AGAP1: variants seen among roughly 807,000 people sequenced by gnomAD.
AGAP1 encodes arf-GAP with GTPase, ANK repeat and PH domain-containing protein 1.
A neutral mutation model predicts 105.3 loss-of-function variants in AGAP1; 29 were observed. The observed-to-expected ratio is 0.28, with a 90% CI of 0.21 to 0.38. AGAP1 has a LOEUF of 0.38. AGAP1 is among the 10% of genes least tolerant of loss of function. The pLI is 1.00. For synonymous variants in AGAP1, 509 were observed against 485.9 expected, an observed-to-expected ratio of 1.05 and a Z score of -0.63; for missense variants, 998 against 1,165.1, an observed-to-expected ratio of 0.86 and a Z score of 2.09.
Position 236,073,193 on chromosome 2 carries a change from C to T in AGAP1, c.2114+23912C>T, listed in dbSNP as rs2058550692. On this transcript the variant is annotated intron_variant, in intron 16 of 17. Coordinates refer to ENST00000304032, the MANE Select transcript of AGAP1 (RefSeq NM_001037131.3). This position sits in a 1 kb window ranked among gnomAD's most constrained non-coding sequence, Gnocchi z 5.4. Reference sequence around the variant, plus strand: ...GTATTTTTTAGTAGAGACGGGGTTTCTCCATATTGGCCAGGCTGGTCTCGA... The same window carrying T: ...GTATTTTTTAGTAGAGACGGGGTTTTTCCATATTGGCCAGGCTGGTCTCGA... Among the ~76,000 whole-genome samples, 2 of 151,860 alleles carry T rather than the reference C, an allele frequency of 1.3e-5. No individual in the cohort carries two copies. Among genetic ancestry groups the T allele is most frequent in the African/African-American group, 4.8e-5 (2 of 41,334 alleles).
intron 1 of AGAP1, among the ~76,000 whole-genome samples, chr2:235,682,188 T>A (rs969435113): frequency 6.6e-6 from 1 of 151,992 alleles, no homozygotes; most frequent in Admixed American, 6.6e-5. Flanking sequence ...TGAAACCGTA[T>A]CAGCACTGTT....
intron 13 of AGAP1, among the ~76,000 whole-genome samples, chr2:236,023,512 G>C (rs116138006): frequency 6.6e-6 from 1 of 152,164 alleles, no homozygotes; most frequent in Non-Finnish European, 1.5e-5. Context: ...GGTAAGCATC[G>C]GTGGTAATGT....
rs1297535595 is a variant in AGAP1 at position 235,599,503 on chromosome 2, C to T, written c.163+104654C>T. ...GAAATGACTGCAAAGCTATCTTACTCTTTATTCCATAGCCACAAAAATAAG... is the reference window on the plus strand; with the variant it reads ...GAAATGACTGCAAAGCTATCTTACTTTTTATTCCATAGCCACAAAAATAAG... On this transcript the variant is annotated intron_variant, in intron 1 of 17. Transcript: ENST00000304032. This position sits in a 1 kb window ranked among gnomAD's most constrained non-coding sequence, Gnocchi z 5.3. Among the ~76,000 whole-genome samples the T allele has an allele frequency of 6.6e-6, 1 of 152,196 alleles. No homozygotes were observed. Among genetic ancestry groups the T allele is most frequent in the Non-Finnish European group, 1.5e-5 (1 of 68,036 alleles).
rs185352819 is a variant in AGAP1 at position 235,608,567 on chromosome 2, G to A, written c.164-100612G>A. Reference sequence around the variant, plus strand: ...GTGAGACCAACCCTGCCCTCTGGACGGATGGAAGGACACTGGGGAGCCGAT... The same window carrying A: ...GTGAGACCAACCCTGCCCTCTGGACAGATGGAAGGACACTGGGGAGCCGAT... On this transcript the variant is annotated intron_variant, in intron 1 of 17. Coordinates refer to ENST00000304032, the MANE Select transcript of AGAP1 (RefSeq NM_001037131.3). The surrounding 1 kb of genome is among the most constrained non-coding windows in gnomAD (Gnocchi z 5.4). Among the ~76,000 whole-genome samples the A allele has an allele frequency of 8.1e-4, 123 of 152,302 alleles. No homozygotes were observed. The highest frequency in any genetic ancestry group is 6.8e-3 in the Middle Eastern group (2 of 294).
At chr2:235,761,307 G>A (rs1384058061) in intron 6 of AGAP1, among the ~76,000 whole-genome samples, 1 of 152,164 alleles carries the variant, frequency 6.6e-6, no homozygotes, top group Non-Finnish European at 1.5e-5. Flanking sequence ...AGTGTGCACA[G>A]ATGCTCATAC....
chr2:235,781,211 A>G (rs1956241662), intron 6 of AGAP1, among the ~76,000 whole-genome samples: 1 of 152,226 alleles, frequency 6.6e-6, no homozygotes, highest in South Asian at 2.1e-4. Context: ...AAATTTTCCC[A>G]TTAAGTGCTT....
intron 12 of AGAP1, among the ~76,000 whole-genome samples, chr2:235,944,126 A>G (rs2053387853): frequency 6.6e-6 from 1 of 152,214 alleles, no homozygotes; most frequent in South Asian, 2.1e-4. Flanking sequence ...AAATCTTACT[A>G]TAGTTGCAGG....
intron 1 of AGAP1, among the ~76,000 whole-genome samples, chr2:235,531,767 C>A (rs1256108989): frequency 2.0e-5 from 3 of 152,036 alleles, no homozygotes; most frequent in Admixed American, 2.0e-4. Context: ...TGCCACCACG[C>A]CCAGCTAATT....
chr2:235,899,801 CA>C (rs34491596), intron 10 of AGAP1, among the ~76,000 whole-genome samples: 29,430 of 152,060 alleles, frequency 0.19, 3,908 homozygotes, highest in East Asian at 0.49. Context: ...CCGAGGCATG[CA>C]TCGTACAGGC....
At chr2:235,528,547 G>T (rs533744277) in intron 1 of AGAP1, among the ~76,000 whole-genome samples, 1 of 152,166 alleles carries the variant, frequency 6.6e-6, no homozygotes, top group African/African-American at 2.4e-5. Flanking sequence ...TCGAGAGATT[G>T]TCATTTTCCT....
At chr2:236,072,453 A>AT (rs1397020701) in intron 16 of AGAP1, 1 of 151,986 alleles carries the variant, frequency 6.6e-6, no homozygotes, top group Non-Finnish European at 1.5e-5. Flanking sequence ...CAAAAAAAAA[A>AT]AAAGAGATAG....
chr2:235,568,312 C>G (rs909961009), intron 1 of AGAP1, among the ~76,000 whole-genome samples: 2 of 152,218 alleles, frequency 1.3e-5, no homozygotes, highest in Non-Finnish European at 2.9e-5. Context: ...TGCTGCTGTT[C>G]GTGGGCTGCC....
chr2:235,656,202 T>C (rs1947765462), intron 1 of AGAP1, among the ~76,000 whole-genome samples: 1 of 152,202 alleles, frequency 6.6e-6, no homozygotes, highest in Admixed American at 6.5e-5. Context: ...TGTACCTTGA[T>C]GGAGACAGAT....
Position 235,682,474 on chromosome 2 carries a change from C to T in AGAP1, c.164-26705C>T, listed in dbSNP as rs148696521. The stretch of plus-strand genomic sequence containing the variant: ...TCTCCTGCCTCAGCCTCTCGAGTAG[C>T]TGGGATTACAGGTGTCTGCCACCAT... On this transcript the variant is annotated intron_variant, in intron 1 of 17. Transcript: ENST00000304032. Among the ~76,000 whole-genome samples the T allele has an allele frequency of 5.0e-3, 763 of 152,122 alleles. 4 individuals carry two copies. Among genetic ancestry groups the T allele is most frequent in the African/African-American group, 0.017 (694 of 41,504 alleles).
chr2:235,687,802 A>G (rs941184691), intron 1 of AGAP1, among the ~76,000 whole-genome samples: 1 of 150,516 alleles, frequency 6.6e-6, no homozygotes, highest in African/African-American at 2.5e-5. Flanking sequence ...CAAAGTACAC[A>G]TTACTGAGGA....
chr2:236,047,717 A>G (rs2057765671), intron 15 of AGAP1, among the ~76,000 whole-genome samples: 1 of 144,534 alleles, frequency 6.9e-6, no homozygotes, highest in Non-Finnish European at 1.5e-5. Context: ...CTCCAGCCTC[A>G]GCCTCTCAAG....
chr2:235,950,612 T>C (rs547822819), intron 12 of AGAP1, among the ~76,000 whole-genome samples: 1 of 151,640 alleles, frequency 6.6e-6, no homozygotes, highest in Admixed American at 6.6e-5. Context: ...ACCAGAGCTT[T>C]CTCTGCTGAA....
At position 235,737,840 on chromosome 2, in the gene AGAP1, A is replaced by G. The variant is rs369898430; in HGVS notation, c.311-3123A>G. Among the ~76,000 whole-genome samples the G allele has an allele frequency of 6.6e-6, 1 of 152,132 alleles. No individual in the cohort carries two copies. The highest frequency in any genetic ancestry group is 2.1e-4 in the South Asian group (1 of 4,820). On this transcript the variant is annotated intron_variant, in intron 3 of 17. Transcript: ENST00000304032. The surrounding 1 kb of genome is among the most constrained non-coding windows in gnomAD (Gnocchi z 4.5). ...TCTTGCTCTGGAGGTGACACAGTCT[A>G]GGGATCTAGTGAGGAATGGGACCTG...
intron 11 of AGAP1, among the ~76,000 whole-genome samples, chr2:235,918,525 A>T (rs1245770924): frequency 6.6e-6 from 1 of 152,198 alleles, no homozygotes; most frequent in East Asian, 1.9e-4. Context: ...CGTTCTCACT[A>T]TTAGTTGTTT....
Sources: allele counts gnomAD v4.1 joint callset (sites outside exome capture counted in the v4.1 genomes callset), GRCh38; gene constraint gnomAD v4.1.1; non-coding constraint Gnocchi (gnomAD v3.1); transcripts MANE v1.5; gene names NCBI Gene and HGNC (gene_info 2026-07-23, HGNC 2026-07-21).